The following REDIC1 variants were observed in gnomAD, a reference collection of about 807,000 sequenced individuals.
REDIC1 encodes HEI10 Interacting Protein 1.
the REDIC1 span, among the ~76,000 whole-genome samples, chr12:39,894,920 T>C: frequency 6.6e-6 from 1 of 152,224 alleles, no homozygotes; most frequent in Non-Finnish European, 1.5e-5. Context: ...GAATTGTCTT[T>C]AATTAATGCT....
chr12:39,654,685 A>T, the REDIC1 span, among the ~76,000 whole-genome samples: 1 of 151,824 alleles, frequency 6.6e-6, no homozygotes, highest in South Asian at 2.1e-4. Context: ...TATATTTATG[A>T]AGAATATTTG....
At chr12:39,703,741 A>G in the REDIC1 span, among the ~76,000 whole-genome samples, 8 of 152,210 alleles carry the variant, frequency 5.3e-5, no homozygotes, top group African/African-American at 1.9e-4. Context: ...GATATAGATT[A>G]GTGGAACAGA....
At chr12:39,650,227 T>A in the REDIC1 span, 1 of 1,548,992 alleles carries the variant, frequency 6.5e-7, no homozygotes, top group Non-Finnish European at 8.7e-7. This position sits in a 1 kb window ranked among gnomAD's most constrained non-coding sequence, Gnocchi z 4.3. Context: ...TTCTTCAAAT[T>A]TTTTTTTTCA....
At chr12:39,824,285 T>C in the REDIC1 span, among the ~76,000 whole-genome samples, 1 of 152,226 alleles carries the variant, frequency 6.6e-6, no homozygotes, top group African/African-American at 2.4e-5. Flanking sequence ...GTGGTCTGAT[T>C]CACATCAAAG....
chr12:39,792,830 G>T, the REDIC1 span, among the ~76,000 whole-genome samples: 1 of 151,456 alleles, frequency 6.6e-6, no homozygotes, highest in Non-Finnish European at 1.5e-5. Context: ...CATAAAAGTG[G>T]ACCACGCAGT....
the REDIC1 span, among the ~76,000 whole-genome samples, chr12:39,737,450 G>A: frequency 6.6e-6 from 1 of 152,188 alleles, no homozygotes; most frequent in Non-Finnish European, 1.5e-5. Context: ...ATAAGGTCGA[G>A]AGCCACTGTA....
the REDIC1 span, among the ~76,000 whole-genome samples, chr12:39,694,246 A>G: frequency 6.6e-6 from 1 of 151,932 alleles, no homozygotes; most frequent in South Asian, 2.1e-4. Flanking sequence ...CAATTTAACA[A>G]CTATCTACAC....
the REDIC1 span, chr12:39,646,899 TA>T: frequency 5.7e-6 from 9 of 1,570,126 alleles, no homozygotes; most frequent in East Asian, 9.1e-5. Flanking sequence ...GTGAGATTTT[TA>T]AAAAAATTCT....
the REDIC1 span, among the ~76,000 whole-genome samples, chr12:39,674,032 G>T: frequency 1.3e-5 from 2 of 152,090 alleles, no homozygotes; most frequent in African/African-American, 2.4e-5. Context: ...AACATAAATT[G>T]TTTAACAAGT....
At chr12:39,833,924 T>C in the REDIC1 span, among the ~76,000 whole-genome samples, 1 of 149,466 alleles carries the variant, frequency 6.7e-6, no homozygotes. Context: ...ATCTCTGACC[T>C]ACATCCTCCG....
the REDIC1 span, among the ~76,000 whole-genome samples, chr12:39,709,165 G>A: frequency 6.6e-6 from 1 of 150,602 alleles, no homozygotes; most frequent in Non-Finnish European, 1.5e-5. Context: ...ACTTTAGCAT[G>A]AATATACATC....
At chr12:39,712,314 GTA>G in the REDIC1 span, among the ~76,000 whole-genome samples, 1 of 41,628 alleles carries the variant, frequency 2.4e-5, no homozygotes, top group Non-Finnish European at 7.1e-5. Flanking sequence ...ACATATATAT[GTA>G]TATATACATA....
the REDIC1 span, among the ~76,000 whole-genome samples, chr12:39,639,120 G>A: frequency 6.6e-6 from 1 of 152,006 alleles, no homozygotes; most frequent in Non-Finnish European, 1.5e-5. Context: ...AGCTTTGTGA[G>A]TTTTAAAATG....
the REDIC1 span, among the ~76,000 whole-genome samples, chr12:39,714,729 G>GT: frequency 4.6e-5 from 7 of 151,496 alleles, no homozygotes; most frequent in South Asian, 4.2e-4. Flanking sequence ...AACATCTACA[G>GT]TTTTTTTATT....
At chr12:39,897,480 T>C in the REDIC1 span, among the ~76,000 whole-genome samples, 3 of 152,196 alleles carry the variant, frequency 2.0e-5, no homozygotes, top group East Asian at 1.9e-4. Context: ...CTACAGGGAA[T>C]TGTTATTGGA....
chr12:39,830,827 A>G, the REDIC1 span, among the ~76,000 whole-genome samples: 1 of 152,192 alleles, frequency 6.6e-6, no homozygotes, highest in Non-Finnish European at 1.5e-5. Flanking sequence ...CTGAGTATCA[A>G]TTATGGATTA....
At chr12:39,712,477 C>CCTGT in the REDIC1 span, among the ~76,000 whole-genome samples, 8 of 128,858 alleles carry the variant, frequency 6.2e-5, no homozygotes, top group Admixed American at 4.0e-4. Context: ...TGTATATATA[C>CCTGT]ATACAGGTAT....
the REDIC1 span, among the ~76,000 whole-genome samples, chr12:39,786,845 T>C: frequency 1.0e-3 from 153 of 152,312 alleles, no homozygotes; most frequent in African/African-American, 3.6e-3. Context: ...ACAGAACTGA[T>C]GGAATTGAGA....
chr12:39,735,161 C>T, the REDIC1 span, among the ~76,000 whole-genome samples: 1 of 152,100 alleles, frequency 6.6e-6, no homozygotes, highest in Non-Finnish European at 1.5e-5. Flanking sequence ...AACCCTAAAA[C>T]ATGTGGCTTT....
Sources: gnomAD v4.1 joint callset for allele counts (sites outside exome capture counted in the v4.1 genomes callset) on GRCh38, gnomAD v4.1.1 for gene constraint, Gnocchi (gnomAD v3.1) non-coding constraint, MANE v1.5 for transcripts, NCBI Gene and HGNC (gene_info 2026-07-23, HGNC 2026-07-21) for gene names.